The following OTOGL variants were observed in gnomAD, a reference collection of about 807,000 sequenced individuals.
OTOGL encodes the protein otogelin-like protein.
In OTOGL, 285 loss-of-function variants were observed where a neutral mutation model predicts 318.5. The observed-to-expected ratio is 0.89, with a 90% CI of 0.81 to 0.99. The LOEUF is 0.99. Ranked by LOEUF, OTOGL falls within the 50% of genes least tolerant of loss-of-function variation. The pLI is 0.00. For missense variants in OTOGL, 2,899 were observed against 2,845.6 expected (o/e 1.02, Z -0.43); for synonymous variants, 987 against 936.5 (o/e 1.05, Z -0.99).
At chr12:80,149,405 TGAG>T (rs1383822026) in intron 1 of OTOGL, among the ~76,000 whole-genome samples, 1 of 152,192 alleles carries the variant, frequency 6.6e-6, no homozygotes, top group Non-Finnish European at 1.5e-5. Flanking sequence ...GGGACCCACT[TGAG>T]GAGGCAGTCT....
At chr12:80,259,285 G>A (rs1016684999) in intron 18 of OTOGL, among the ~76,000 whole-genome samples, 15 of 151,362 alleles carry the variant, frequency 9.9e-5, no homozygotes, top group African/African-American at 3.4e-4. Context: ...TGTGGGCTGG[G>A]CAGCCAGGGG....
intron 1 of OTOGL, among the ~76,000 whole-genome samples, chr12:80,149,978 G>T (rs566172267): frequency 6.6e-6 from 1 of 152,060 alleles, no homozygotes; most frequent in Non-Finnish European, 1.5e-5. Flanking sequence ...AGATGAACCC[G>T]GTACCTCAGA....
intron 1 of OTOGL, among the ~76,000 whole-genome samples, chr12:80,111,069 T>G (rs1187680823): frequency 6.6e-6 from 1 of 152,234 alleles, no homozygotes; most frequent in African/African-American, 2.4e-5. Context: ...TTGAGAAGTG[T>G]CTCTTCATAT....
At chr12:80,292,176 C>T (rs12314944) in intron 26 of OTOGL, among the ~76,000 whole-genome samples, 10,534 of 151,916 alleles carry the variant, frequency 0.069, 479 homozygotes, top group African/African-American at 0.12. Context: ...TTAGTAGAGA[C>T]GGGGTTTCTC....
chr12:80,362,595 T>C (rs1027525149), intron 52 of OTOGL, among the ~76,000 whole-genome samples: 2 of 152,112 alleles, frequency 1.3e-5, no homozygotes, highest in Non-Finnish European at 2.9e-5. Context: ...ACAATAAAAT[T>C]TGGGGAGCAC....
intron 1 of OTOGL, among the ~76,000 whole-genome samples, chr12:80,169,459 T>C (rs1440143339): frequency 1.3e-5 from 2 of 152,194 alleles, no homozygotes; most frequent in Non-Finnish European, 2.9e-5. Flanking sequence ...TCCTTCTCGT[T>C]TACTAATTAA....
chr12:80,216,637 C>A (rs1877749189), intron 4 of OTOGL, among the ~76,000 whole-genome samples: 1 of 152,172 alleles, frequency 6.6e-6, no homozygotes, highest in Non-Finnish European at 1.5e-5. Flanking sequence ...GGCTTTAATT[C>A]ATTATCCTAA....
intron 1 of OTOGL, among the ~76,000 whole-genome samples, chr12:80,133,171 T>G (rs956921391): frequency 6.6e-6 from 1 of 152,148 alleles, no homozygotes; most frequent in African/African-American, 2.4e-5. Flanking sequence ...CTTCTGTATT[T>G]AAAATTTCCT....
chr12:80,249,591 G>C (rs1017495114), intron 11 of OTOGL, among the ~76,000 whole-genome samples: 3 of 152,102 alleles, frequency 2.0e-5, no homozygotes, highest in Non-Finnish European at 4.4e-5. Flanking sequence ...GGACATTTAA[G>C]TCTGCAGAGG....
chr12:80,375,451 C>T (rs554594167), intron 57 of OTOGL, among the ~76,000 whole-genome samples: 2 of 152,106 alleles, frequency 1.3e-5, no homozygotes, highest in Non-Finnish European at 1.5e-5. Context: ...GGAAGAAACA[C>T]TGAACCCATA....
At chr12:80,297,622 C>T (rs566333230) in intron 27 of OTOGL, among the ~76,000 whole-genome samples, 3 of 152,238 alleles carry the variant, frequency 2.0e-5, no homozygotes, top group African/African-American at 4.8e-5. Context: ...CATGAGCCAC[C>T]GTGTCCAGCC....
At chr12:80,276,162 T>C (rs1424707581) in intron 24 of OTOGL, among the ~76,000 whole-genome samples, 1 of 151,846 alleles carries the variant, frequency 6.6e-6, no homozygotes, top group Non-Finnish European at 1.5e-5. Flanking sequence ...TGGCTGGGGA[T>C]ATAAGAATTG....
chr12:80,242,306 T>C (rs559817446), intron 11 of OTOGL, among the ~76,000 whole-genome samples: 1 of 152,314 alleles, frequency 6.6e-6, no homozygotes, highest in South Asian at 2.1e-4. Flanking sequence ...AAGCAACTTG[T>C]GCTGGCTGAA....
At chr12:80,363,721 T>C (rs1890370150) in intron 52 of OTOGL, among the ~76,000 whole-genome samples, 1 of 152,236 alleles carries the variant, frequency 6.6e-6, no homozygotes, top group Non-Finnish European at 1.5e-5. Flanking sequence ...GCTCCTCTTA[T>C]TTTTTTGGCC....
At chr12:80,331,210 C>T (rs1003786867) in intron 37 of OTOGL, among the ~76,000 whole-genome samples, 9 of 152,036 alleles carry the variant, frequency 5.9e-5, no homozygotes, top group East Asian at 1.9e-4. Context: ...AGACATATCA[C>T]AAAGCTGTAG....
chr12:80,149,844 G>C (rs1197506962), intron 1 of OTOGL, among the ~76,000 whole-genome samples: 4 of 152,126 alleles, frequency 2.6e-5, no homozygotes, highest in Non-Finnish European at 4.4e-5. Context: ...GGTGCCGGCT[G>C]ACTAGGAAAG....
chr12:80,308,364 G>A (rs1356055864), intron 29 of OTOGL, among the ~76,000 whole-genome samples: 9 of 150,548 alleles, frequency 6.0e-5, no homozygotes, highest in East Asian at 4.0e-4. Flanking sequence ...CTCACATCCC[G>A]GACGGGGCGG....
chr12:80,196,848 C>T lies in OTOGL; in HGVS notation c.-19-12565C>T, dbSNP rs187240788. ...CTGGATTTCCTCCTCTAGGCCAGGG[C>T]CTTCCAAATTTAACCTGAGACTGGT... is the stretch of plus-strand genomic sequence containing the variant. On this transcript the variant is annotated intron_variant, in intron 1 of 58. Coordinates refer to ENST00000547103, the MANE Select transcript of OTOGL (RefSeq NM_001378609.3). Among the ~76,000 whole-genome samples, 113 of 152,248 alleles carry T rather than the reference C, an allele frequency of 7.4e-4. 1 individual carries two copies. Among genetic ancestry groups the T allele is most frequent in the African/African-American group, 2.3e-3 (97 of 41,538 alleles).
At chr12:80,104,705 T>C (rs1395784906) in intron 1 of OTOGL, among the ~76,000 whole-genome samples, 1 of 152,146 alleles carries the variant, frequency 6.6e-6, no homozygotes, top group Non-Finnish European at 1.5e-5. Context: ...TATCTATAGA[T>C]TGTCACACAA....
Sources: gnomAD v4.1 joint callset for allele counts (sites outside exome capture counted in the v4.1 genomes callset) on GRCh38, gnomAD v4.1.1 for gene constraint, MANE v1.5 for transcripts, NCBI Gene and HGNC (gene_info 2026-07-23, HGNC 2026-07-21) for gene names.